RPS6KA6: variants seen among roughly 807,000 people sequenced by gnomAD.
RPS6KA6 encodes the protein ribosomal protein S6 kinase alpha-6.
Under a neutral mutation model 65.4 loss-of-function variants are expected in RPS6KA6, and 27 were observed. The observed-to-expected ratio is 0.41, with a 90% CI of 0.30 to 0.57. The LOEUF (loss-of-function observed/expected upper bound fraction) is 0.57. Among genes scored for constraint, RPS6KA6 ranks in the 20% least tolerant of loss-of-function variants. The pLI is 0.24. For missense variants in RPS6KA6, 486 were observed against 555.6 expected (o/e 0.87, Z 1.26); for synonymous variants, 190 against 184.2 (o/e 1.03, Z -0.26).
At position 84,148,091 on chromosome X, in the gene RPS6KA6, A is replaced by G; in HGVS notation, c.291T>C (p.Asp97=). Residue 97 remains aspartate, a synonymous_variant, in exon 4 of 22, where the codon GAT becomes GAC. Transcript: ENST00000262752. ...CCTTCATTGCATAGAGCTGCCCAGCATCAGGACCGGTCTTCTTTCTAACAA... is the reference window on the plus strand; with the variant it reads ...CCTTCATTGCATAGAGCTGCCCAGCGTCAGGACCGGTCTTCTTTCTAACAA... ...VFLVRKKTGP[D]AGQLYAMKVL... 5.9e-6 allele frequency: 7 copies of G among 1,187,464 alleles called. No homozygotes were observed. Among genetic ancestry groups the G allele is most frequent in the Non-Finnish European group, 7.9e-6 (7 of 881,581 alleles).
chrX:84,066,206 GT>G (rs1207109128), intron 20 of RPS6KA6, among the ~76,000 whole-genome samples: 3,626 of 95,833 alleles, frequency 0.038, 99 homozygotes, highest in African/African-American at 0.082. Flanking sequence ...GCTAGCTGCA[GT>G]TTTTTTTTTT....
chrX:84,065,183 G>A, intron 20 of RPS6KA6, 72 bp from the exon 21 acceptor site: 1 of 741,593 alleles, frequency 1.3e-6, no homozygotes, highest in African/African-American at 2.1e-5. Flanking sequence ...TGCTGAAAAT[G>A]TGACAGCATC....
chrX:84,136,914 C>T (rs2035000685), intron 6 of RPS6KA6, among the ~76,000 whole-genome samples: 1 of 111,760 alleles, frequency 8.9e-6, no homozygotes, highest in Admixed American at 9.5e-5. Flanking sequence ...AAGACATGAA[C>T]TCAGGGATAC....
chrX:84,158,634 G>T (rs1179830489), intron 2 of RPS6KA6, among the ~76,000 whole-genome samples: 1 of 111,033 alleles, frequency 9.0e-6, no homozygotes, highest in East Asian at 2.8e-4. Flanking sequence ...ACACTGTGCT[G>T]AGTATGTGTT....
intron 9 of RPS6KA6, among the ~76,000 whole-genome samples, 189 bp from the exon 10 acceptor site, chrX:84,117,643 C>A (rs148547712): frequency 0.014 from 1,528 of 110,656 alleles, 12 homozygotes; most frequent in South Asian, 0.041. Context: ...CTCTCTCTCT[C>A]TATATATATA....
chrX:84,183,801 AACCACCACCACCCCC>A (rs2035891289), intron 1 of RPS6KA6, among the ~76,000 whole-genome samples: 2 of 110,163 alleles, frequency 1.8e-5, no homozygotes, highest in Non-Finnish European at 3.8e-5. Context: ...TCCATTCCTA[AACCACCACCACCCCC>A]ACCACCACCA....
intron 11 of RPS6KA6, 38 bp downstream of exon 11, chrX:84,117,022 G>T: frequency 1.2e-6 from 1 of 845,898 alleles, no homozygotes. Flanking sequence ...CCCAAAACAT[G>T]CAGTTACTTC....
At chrX:84,149,035 T>G (rs2035251828) in intron 3 of RPS6KA6, among the ~76,000 whole-genome samples, 1 of 112,002 alleles carries the variant, frequency 8.9e-6, no homozygotes, top group South Asian at 3.7e-4. Flanking sequence ...TACGTAATAT[T>G]CTAAAGCCTT....
In RPS6KA6 at chrX:84,063,308, T is replaced by C. The variant is rs961177398; in HGVS notation, c.*969A>G. The C allele has an allele frequency of 1.1e-4, 12 of 109,104 alleles. No individual in the cohort carries two copies. The highest frequency in any genetic ancestry group is 2.3e-4 in the Non-Finnish European group (12 of 52,271). 9.0% of individuals were successfully genotyped at this position (109,104 alleles called of 1,213,427 possible). ...AACTGTATTATCATAGGATTCAAGG[T>C]AGAATGATATGCTACACTGTACTTC... On this transcript the variant is annotated 3_prime_UTR_variant, in exon 22 of 22. Transcript: ENST00000262752.
intron 3 of RPS6KA6, among the ~76,000 whole-genome samples, chrX:84,151,116 T>G (rs1426033192): frequency 1.0e-5 from 1 of 98,465 alleles, no homozygotes; most frequent in Admixed American, 1.2e-4. Context: ...TATAGATATA[T>G]ATAGGATATA....
At chrX:84,150,487 A>C (rs988301355) in intron 3 of RPS6KA6, among the ~76,000 whole-genome samples, 1 of 110,164 alleles carries the variant, frequency 9.1e-6, no homozygotes, top group Non-Finnish European at 1.9e-5. Flanking sequence ...TCCCTTGAAC[A>C]CTCCAAGGCC....
chrX:84,159,029 AATAC>A (rs1168551263), intron 2 of RPS6KA6, among the ~76,000 whole-genome samples: 118 of 111,556 alleles, frequency 1.1e-3, no homozygotes, highest in African/African-American at 3.7e-3. Context: ...TATACACACA[AATAC>A]ATACACATAT....
At chrX:84,094,636 C>T (rs1403146177) in intron 20 of RPS6KA6, among the ~76,000 whole-genome samples, 3 of 109,599 alleles carry the variant, frequency 2.7e-5, no homozygotes, top group Non-Finnish European at 5.7e-5. Context: ...CAGAGCAAGA[C>T]TCCGTCTCAA....
At chrX:84,143,437 T>C (rs2035142317) in intron 6 of RPS6KA6, among the ~76,000 whole-genome samples, 1 of 111,151 alleles carries the variant, frequency 9.0e-6, no homozygotes, top group Non-Finnish European at 1.9e-5. Context: ...AGGAAGTCAA[T>C]TCTATTTACA....
chrX:84,153,405 T>A (rs769079977), intron 3 of RPS6KA6, among the ~76,000 whole-genome samples: 1 of 111,570 alleles, frequency 9.0e-6, no homozygotes, highest in South Asian at 3.7e-4. Flanking sequence ...TTGTTTAGTA[T>A]ACCTTTCAAC....
chrX:84,072,735 A>T (rs1054937954), intron 20 of RPS6KA6, among the ~76,000 whole-genome samples: 4 of 111,900 alleles, frequency 3.6e-5, no homozygotes, highest in African/African-American at 1.3e-4. Context: ...AATCACTAGC[A>T]TTTCTATATG....
intron 18 of RPS6KA6, 22 bp from the exon 19 acceptor site, chrX:84,097,870 T>C (rs755209454): frequency 5.6e-6 from 6 of 1,074,363 alleles, no homozygotes; most frequent in Non-Finnish European, 6.4e-6. Context: ...ATACTCATTA[T>C]ATGGTGTTAC....
chrX:84,109,209 G>A (rs1276783878), intron 12 of RPS6KA6, among the ~76,000 whole-genome samples: 1 of 112,352 alleles, frequency 8.9e-6, no homozygotes, highest in East Asian at 2.8e-4. Flanking sequence ...TGCTTCAGCT[G>A]AAGGGGTCTG....
chrX:84,175,540 G>A (rs1197959216), intron 1 of RPS6KA6, among the ~76,000 whole-genome samples: 2 of 110,964 alleles, frequency 1.8e-5, no homozygotes, highest in South Asian at 3.8e-4. Flanking sequence ...GCAAGAATAC[G>A]GCACAAACTG....
Sources: allele counts gnomAD v4.1 joint callset (sites outside exome capture counted in the v4.1 genomes callset), GRCh38; gene constraint gnomAD v4.1.1; transcripts MANE v1.5; gene names NCBI Gene and HGNC (gene_info 2026-07-23, HGNC 2026-07-21).